The following PLXNA2 variants were observed in gnomAD, a reference collection of about 807,000 sequenced individuals.
PLXNA2 encodes plexin A2.
Under a neutral mutation model 193.5 loss-of-function variants are expected in PLXNA2, and 91 were observed. The ratio of observed to expected loss-of-function variants is 0.47; its 90% CI spans 0.40 to 0.56. The LOEUF is 0.56. Ranked by LOEUF, PLXNA2 falls within the 20% of genes least tolerant of loss-of-function variation. The pLI is 0.00. For synonymous variants in PLXNA2, 997 were observed against 1,027.3 expected (o/e 0.97, Z 0.56); for missense variants, 1,995 against 2,503.2 (o/e 0.80, Z 4.33).
intron 3 of PLXNA2, among the ~76,000 whole-genome samples, chr1:208,174,171 C>A (rs1176907355): frequency 2.0e-5 from 3 of 152,206 alleles, no homozygotes; most frequent in Non-Finnish European, 4.4e-5. Flanking sequence ...CTTGCCTGGT[C>A]ATGGAGGGGT....
chr1:208,229,975 C>T lies in PLXNA2; in HGVS notation c.-80-11973G>A, dbSNP rs895238. On this transcript the variant is annotated intron_variant, in intron 1 of 31. Transcript: ENST00000367033. ...GGCTCAAGTCTCATTCTATCACTTACGAGTCTGGTGACCTTGAACATGTTA... is the reference window on the plus strand; with the variant it reads ...GGCTCAAGTCTCATTCTATCACTTATGAGTCTGGTGACCTTGAACATGTTA... 6.8e-3 allele frequency among the ~76,000 whole-genome samples: 1,039 copies of T among 152,274 alleles called. 10 individuals carry two copies. The highest frequency in any genetic ancestry group is 0.024 in the African/African-American group (991 of 41,556).
chr1:208,046,797 AGTGTGTGTGTGTGTGTGTGTGTGT>A (rs57420579), intron 17 of PLXNA2, among the ~76,000 whole-genome samples: 2 of 129,592 alleles, frequency 1.5e-5, no homozygotes, highest in African/African-American at 3.0e-5. Context: ...AGAACAGCAT[AGTGTGTGTGTGTGTGTGTGTGTGT>A]GTGTGTGTGT....
Position 208,038,718 on chromosome 1 carries a change from C to T in PLXNA2, c.4660+107G>A, listed in dbSNP as rs1252233615. The T allele has an allele frequency of 1.1e-5, 13 of 1,230,900 alleles. No homozygotes were observed. Among genetic ancestry groups the T allele is most frequent in the Non-Finnish European group, 1.5e-5 (13 of 855,866 alleles). 76.2% of individuals were successfully genotyped at this position (1,230,900 alleles called of 1,614,324 possible). On this transcript the variant is annotated intron_variant, in intron 25 of 31. Transcript: ENST00000367033. This position sits in a 1 kb window ranked among gnomAD's most constrained non-coding sequence, Gnocchi z 4.1. ...AGCGGGAAGCATTTCACACGGGCCT[C>T]AGCTGGCCAGGACACAGTCATGCCC...
chr1:208,204,762 G>A (rs1265951611), intron 3 of PLXNA2, among the ~76,000 whole-genome samples: 2 of 152,200 alleles, frequency 1.3e-5, no homozygotes, highest in African/African-American at 2.4e-5. Flanking sequence ...AAAGATCTGT[G>A]AATCTCAAGG....
chr1:208,122,578 T>C (rs1667838479), intron 4 of PLXNA2, among the ~76,000 whole-genome samples: 1 of 152,204 alleles, frequency 6.6e-6, no homozygotes, highest in Non-Finnish European at 1.5e-5. Context: ...CTCTCTCTTG[T>C]TCCCTCTTCC....
intron 3 of PLXNA2, among the ~76,000 whole-genome samples, chr1:208,155,250 G>A (rs377717250): frequency 1.1e-4 from 16 of 152,252 alleles, no homozygotes; most frequent in South Asian, 8.3e-4. Flanking sequence ...ACAGAGGGCC[G>A]CAGTCACTGG....
intron 4 of PLXNA2, among the ~76,000 whole-genome samples, chr1:208,119,719 C>T (rs1447687232): frequency 6.6e-6 from 1 of 152,224 alleles, no homozygotes; most frequent in East Asian, 1.9e-4. Flanking sequence ...AAGCGATTCT[C>T]CTGCCTCAGC....
In PLXNA2 at chr1:208,097,793, A is replaced by C. The variant is rs937377345; in HGVS notation, c.1732-910T>G. On this transcript the variant is annotated intron_variant, in intron 6 of 31. Transcript: ENST00000367033. The stretch of plus-strand genomic sequence containing the variant: ...TCCTCTGCCCATGAGGTGTGCCCAT[A>C]GGGTTCATGGTGGTGACATCTCGGT... Among the ~76,000 whole-genome samples the C allele has an allele frequency of 2.6e-5, 4 of 152,176 alleles. No individual in the cohort carries two copies. In the East Asian group the frequency reaches 7.7e-4, roughly 29 times the overall value.
intron 3 of PLXNA2, among the ~76,000 whole-genome samples, chr1:208,203,089 G>T (rs2440904): frequency 0.023 from 3,438 of 152,314 alleles, 82 homozygotes; most frequent in East Asian, 0.11. Flanking sequence ...CAGAGTGTGT[G>T]TGTCAAGACG....
rs61524249 is a variant in PLXNA2, at chr1:208,098,493, T to C, written c.1731+353A>G. 4.6e-3 allele frequency among the ~76,000 whole-genome samples: 402 copies of C among 86,830 alleles called. 3 individuals are homozygous for C. Among genetic ancestry groups the C allele is most frequent in the East Asian group, 0.036 (77 of 2,154 alleles). The allele number at this position is 86,830 out of a possible 152,430, so 57.0% of individuals were successfully genotyped here. On this transcript the variant is annotated intron_variant, in intron 6 of 31. Transcript: ENST00000367033. ...ACACACACACACACACACACACACA[T>C]GCAACTCACAGATTTCTTTAAGAGT...
intron 3 of PLXNA2, among the ~76,000 whole-genome samples, chr1:208,186,865 G>A (rs1314601935): frequency 3.3e-5 from 5 of 151,092 alleles, no homozygotes; most frequent in Middle Eastern, 3.5e-3. Context: ...GACTACAGGC[G>A]CCCGCCACCG....
chr1:208,173,699 AGCCTGTCTCAAGG>A (rs1429002270), intron 3 of PLXNA2, among the ~76,000 whole-genome samples: 1 of 152,224 alleles, frequency 6.6e-6, no homozygotes, highest in South Asian at 2.1e-4. Context: ...GTGCATGCTG[AGCCTGTCTCAAGG>A]GTGAGTGGAG....
Position 208,038,078 on chromosome 1 carries a change from T to TG in PLXNA2, c.4764+292_4764+293insC, listed in dbSNP as rs1231292426. ...ATTTGATTTTTGTTGTTGTTGTTGT[T>TG]TTGTTTTGTTTTTTTGCAAATGTAG... On this transcript the variant is annotated intron_variant, in intron 26 of 31. Coordinates refer to ENST00000367033, the MANE Select transcript of PLXNA2 (RefSeq NM_025179.4). The surrounding 1 kb of genome is among the most constrained non-coding windows in gnomAD (Gnocchi z 4.1). 6.6e-6 allele frequency among the ~76,000 whole-genome samples: 1 copy of TG among 152,166 alleles called. No homozygotes were observed. Among genetic ancestry groups the TG allele is most frequent in the Non-Finnish European group, 1.5e-5 (1 of 68,030 alleles).
At chr1:208,242,569 G>C (rs563791329) in intron 1 of PLXNA2, among the ~76,000 whole-genome samples, 1 of 152,068 alleles carries the variant, frequency 6.6e-6, no homozygotes, top group Non-Finnish European at 1.5e-5. Context: ...ATTCCTACAG[G>C]GGACCTGTTC....
chr1:208,031,692 G>A lies in PLXNA2; in HGVS notation c.5123C>T (p.Ala1708Val). The A allele has an allele frequency of 1.2e-6, 2 of 1,613,714 alleles. No individual in the cohort carries two copies. The highest frequency in any genetic ancestry group is 1.7e-6 in the Non-Finnish European group (2 of 1,179,974). The change falls in exon 29 of 32, where the codon GCT becomes GTT. Residue 1708 changes from alanine (A) to valine (V), a missense_variant. Coordinates refer to ENST00000367033, the MANE Select transcript of PLXNA2 (RefSeq NM_025179.4). ...CATGTACTTGATGGCCAGGGGGAGA[G>A]CGCTGCCCCGGTGCACAGTGCTGAA... ...TLFSTVHRGS[A>V]LPLAIKYMFD...
chr1:208,192,616 G>A (rs1019182656), intron 3 of PLXNA2, among the ~76,000 whole-genome samples: 6 of 152,176 alleles, frequency 3.9e-5, no homozygotes, highest in Non-Finnish European at 7.3e-5. Context: ...GCCAGGTGCA[G>A]TGGCTCATGC....
intron 3 of PLXNA2, among the ~76,000 whole-genome samples, chr1:208,168,810 C>T (rs1669399401): frequency 7.6e-6 from 1 of 131,438 alleles, no homozygotes; most frequent in Admixed American, 9.1e-5. Flanking sequence ...AATGAGCCAT[C>T]TGTGGCCAGG....
At chr1:208,227,724 G>A (rs956123446) in intron 1 of PLXNA2, among the ~76,000 whole-genome samples, 3 of 152,124 alleles carry the variant, frequency 2.0e-5, no homozygotes, top group African/African-American at 7.2e-5. Context: ...CAGGAGCTTT[G>A]CTAGCTTGGC....
chr1:208,240,035 G>A (rs1344275529), intron 1 of PLXNA2, among the ~76,000 whole-genome samples: 1 of 152,206 alleles, frequency 6.6e-6, no homozygotes, highest in East Asian at 1.9e-4. Context: ...GAGCAGGGAA[G>A]GCGGTTAATG....
Sources: allele counts gnomAD v4.1 joint callset (sites outside exome capture counted in the v4.1 genomes callset), GRCh38; gene constraint gnomAD v4.1.1; non-coding constraint Gnocchi (gnomAD v3.1); transcripts MANE v1.5; gene names NCBI Gene and HGNC (gene_info 2026-07-23, HGNC 2026-07-21).